RALGPS1: variants seen among roughly 807,000 people sequenced by gnomAD.
RALGPS1 encodes the protein Ral GEF with PH domain and SH3 binding motif 1, also known as ras-specific guanine nucleotide-releasing factor RalGPS1.
Under a neutral mutation model 78.8 loss-of-function variants are expected in RALGPS1, and 19 were observed. The ratio of observed to expected loss-of-function variants is 0.24; its 90% CI spans 0.17 to 0.35. The LOEUF is 0.35. Among genes scored for constraint, RALGPS1 ranks in the 10% least tolerant of loss-of-function variants. The pLI, the probability that RALGPS1 is intolerant of heterozygous loss-of-function variation, is 1.00. For missense variants in RALGPS1, 454 were observed against 688.3 expected (o/e 0.66, Z 3.81); for synonymous variants, 228 against 256.3 (o/e 0.89, Z 1.06).
chr9:127,069,223 A>G lies in RALGPS1; in HGVS notation c.484-7A>G, dbSNP rs757422303. The G allele has an allele frequency of 2.5e-6, 4 of 1,600,234 alleles. No individual in the cohort carries two copies. The highest frequency in any genetic ancestry group is 1.1e-5 in the South Asian group (1 of 90,290). ...ACTTATTTTGCTATATTTTCTTCTCATTCTAGCTTTTAAATCGAAAAGACA... is the reference window on the plus strand; with the variant it reads ...ACTTATTTTGCTATATTTTCTTCTCGTTCTAGCTTTTAAATCGAAAAGACA... On this transcript the variant is annotated splice_region_variant and splice_polypyrimidine_tract_variant and intron_variant, in intron 7 of 18. Coordinates refer to ENST00000259351, the MANE Select transcript of RALGPS1 (RefSeq NM_014636.3).
intron 4 of RALGPS1, among the ~76,000 whole-genome samples, chr9:126,995,391 A>T (rs1452079166): frequency 6.6e-6 from 1 of 152,242 alleles, no homozygotes; most frequent in Non-Finnish European, 1.5e-5. Context: ...CTAGTCTCTC[A>T]TAAAACAGAC....
chr9:127,010,446 C>A (rs1468346303), intron 4 of RALGPS1, among the ~76,000 whole-genome samples: 1 of 152,186 alleles, frequency 6.6e-6, no homozygotes, highest in East Asian at 1.9e-4. Flanking sequence ...GCCTGGATTC[C>A]ACCCCTGGCT....
intron 1 of RALGPS1, among the ~76,000 whole-genome samples, chr9:126,924,518 A>C (rs1355018534): frequency 6.6e-6 from 1 of 152,236 alleles, no homozygotes; most frequent in Non-Finnish European, 1.5e-5. Context: ...TCAGAATGCC[A>C]AATGTGTCCA....
intron 4 of RALGPS1, among the ~76,000 whole-genome samples, chr9:127,033,371 G>T (rs2046588784): frequency 6.6e-6 from 1 of 152,166 alleles, no homozygotes; most frequent in Non-Finnish European, 1.5e-5. Context: ...TGGCCCTTCA[G>T]ACGTGACTGC....
At chr9:127,178,623 C>A (rs1273388018) in intron 11 of RALGPS1, 4 of 403,328 alleles carry the variant, frequency 9.9e-6, no homozygotes, top group African/African-American at 2.2e-5. Context: ...CCAATCAGGT[C>A]AGGCCGTCTA....
intron 4 of RALGPS1, among the ~76,000 whole-genome samples, chr9:127,023,359 C>T (rs1378171529): frequency 6.6e-6 from 1 of 152,232 alleles, no homozygotes; most frequent in Non-Finnish European, 1.5e-5. Context: ...ACCTTTCCAG[C>T]ACAGTCCTGG....
At chr9:126,924,124 C>T (rs491591) in intron 1 of RALGPS1, among the ~76,000 whole-genome samples, 30,574 of 152,154 alleles carry the variant, frequency 0.2, 3,799 homozygotes, top group East Asian at 0.44. Context: ...CTGACAAATC[C>T]CATGAACTGG....
chr9:126,958,142 A>AAAAAAAAAAT lies in RALGPS1; in HGVS notation c.-65-4082_-65-4081insAAAAAAAATA, dbSNP rs113413659. 4.3e-3 allele frequency among the ~76,000 whole-genome samples: 328 copies of AAAAAAAAAAT among 76,924 alleles called. 5 individuals are homozygous for AAAAAAAAAAT. The highest frequency in any genetic ancestry group is 7.4e-3 in the Non-Finnish European group (268 of 36,174). The allele number at this position is 76,924 out of a possible 152,430, so 50.5% of individuals were successfully genotyped here. ...CTGTCTCTTTAAAAAAAAAAAAAAA[A>AAAAAAAAAAT]ATATATATATATATATACACACACA... On this transcript the variant is annotated intron_variant, in intron 1 of 18. Coordinates refer to ENST00000259351, the MANE Select transcript of RALGPS1 (RefSeq NM_014636.3).
At chr9:127,188,474 G>A (rs1262179402) in intron 11 of RALGPS1, among the ~76,000 whole-genome samples, 1 of 152,078 alleles carries the variant, frequency 6.6e-6, no homozygotes, top group African/African-American at 2.4e-5. Context: ...CATTACGGTG[G>A]ATTGGTCTGT....
intron 4 of RALGPS1, among the ~76,000 whole-genome samples, chr9:127,005,362 C>A (rs914838967): frequency 1.3e-5 from 2 of 152,242 alleles, no homozygotes; most frequent in Non-Finnish European, 2.9e-5. Flanking sequence ...AATGTCAAGG[C>A]TGTCTGTGCA....
At chr9:127,017,391 T>C (rs1049168409) in intron 4 of RALGPS1, among the ~76,000 whole-genome samples, 3 of 152,182 alleles carry the variant, frequency 2.0e-5, no homozygotes, top group African/African-American at 7.2e-5. Flanking sequence ...AATAAAAATA[T>C]AATGTAAAAG....
chr9:127,102,169 T>G (rs2053798337), intron 8 of RALGPS1, among the ~76,000 whole-genome samples: 1 of 152,176 alleles, frequency 6.6e-6, no homozygotes, highest in African/African-American at 2.4e-5. Context: ...ACTTCATTAC[T>G]TTTACAAGAC....
intron 5 of RALGPS1, among the ~76,000 whole-genome samples, chr9:127,036,490 T>G (rs2046875533): frequency 6.6e-6 from 1 of 152,234 alleles, no homozygotes; most frequent in South Asian, 2.1e-4. Flanking sequence ...AAATGGAATA[T>G]GAAGAGCTTT....
At chr9:127,032,291 T>A (rs2046495416) in intron 4 of RALGPS1, among the ~76,000 whole-genome samples, 1 of 152,234 alleles carries the variant, frequency 6.6e-6, no homozygotes, top group Non-Finnish European at 1.5e-5. Context: ...CTGCTCCCTT[T>A]CTGGGTATTG....
intron 1 of RALGPS1, among the ~76,000 whole-genome samples, chr9:126,947,277 CT>C (rs2037366646): frequency 1.3e-5 from 2 of 152,266 alleles, no homozygotes; most frequent in South Asian, 4.1e-4. Context: ...CTTATTAATC[CT>C]TTCAGCCTCC....
At position 127,186,232 on chromosome 9, in the gene RALGPS1, A is replaced by G. The variant is rs185181530; in HGVS notation, c.911-8859A>G. Among the ~76,000 whole-genome samples, 426 of 152,330 alleles carry G rather than the reference A, an allele frequency of 2.8e-3. 3 individuals are homozygous for G. Among genetic ancestry groups the G allele is most frequent in the African/African-American group, 9.6e-3 (397 of 41,566 alleles). On this transcript the variant is annotated intron_variant, in intron 11 of 18. Transcript: ENST00000259351. ...ACTGTCAGTTCTCATATGTTCCAATAAAACTGCTAAAGAAACAGCCACTTA... is the reference window on the plus strand; with the variant it reads ...ACTGTCAGTTCTCATATGTTCCAATGAAACTGCTAAAGAAACAGCCACTTA...
At chr9:127,084,463 A>T (rs2051493623) in intron 8 of RALGPS1, among the ~76,000 whole-genome samples, 1 of 151,934 alleles carries the variant, frequency 6.6e-6, no homozygotes, top group Admixed American at 6.6e-5. Flanking sequence ...CTCTGGTCCT[A>T]GGAAGCCTGA....
chr9:127,064,151 A>G (rs945664169), intron 7 of RALGPS1, among the ~76,000 whole-genome samples: 1 of 152,226 alleles, frequency 6.6e-6, no homozygotes, highest in Admixed American at 6.5e-5. Context: ...GTGAAGCTAG[A>G]CTTAGTGAAA....
chr9:127,128,482 C>T (rs555941137), intron 8 of RALGPS1, among the ~76,000 whole-genome samples: 1 of 152,326 alleles, frequency 6.6e-6, no homozygotes, highest in Admixed American at 6.5e-5. Context: ...CAGTTTTAGT[C>T]ATCAAGGCCC....
Sources: gnomAD v4.1 joint callset for allele counts (sites outside exome capture counted in the v4.1 genomes callset) on GRCh38, gnomAD v4.1.1 for gene constraint, MANE v1.5 for transcripts, NCBI Gene and HGNC (gene_info 2026-07-23, HGNC 2026-07-21) for gene names.